The following MOB1B variants were observed in gnomAD, a reference collection of about 807,000 sequenced individuals.
The protein encoded by MOB1B is MOB1 Mps One Binder homolog B.
MOB1B carries 19 observed loss-of-function variants against 24.4 expected under a neutral mutation model. The ratio of observed to expected loss-of-function variants is 0.78; its 90% confidence interval spans 0.54 to 1.14. The LOEUF (loss-of-function observed/expected upper bound fraction) is 1.14, where lower values mean the gene tolerates loss of function less well. Ranked by LOEUF, MOB1B falls within the 50% of genes most tolerant of loss-of-function variation. MOB1B has a pLI of 0.00. For synonymous variants in MOB1B, 76 were observed against 82.1 expected (o/e 0.93, Z 0.40); for missense variants, 243 against 259.6 (o/e 0.94, Z 0.44).
At chr4:70,964,045 AATG>A (rs1343712406) in intron 2 of MOB1B, among the ~76,000 whole-genome samples, 3 of 152,242 alleles carry the variant, frequency 2.0e-5, no homozygotes, top group Non-Finnish European at 4.4e-5. Context: ...GATATTTTAA[AATG>A]ATAACTGGTT....
Position 70,902,398 on chromosome 4 carries a change from G to A in MOB1B, c.-139G>A. On this transcript the variant is annotated 5_prime_UTR_variant, in exon 1 of 6. Coordinates refer to ENST00000309395, the MANE Select transcript of MOB1B (RefSeq NM_173468.4). Reference sequence around the variant, plus strand: ...GAACTAGCTGAGCCGAACTAGTTGCGGCCACCGAGCAGCCGGCTCTCGGCA... The same window carrying A: ...GAACTAGCTGAGCCGAACTAGTTGCAGCCACCGAGCAGCCGGCTCTCGGCA... 1.1e-6 allele frequency: 1 copy of A among 869,684 alleles called. No individual in the cohort carries two copies. Among genetic ancestry groups the A allele is most frequent in the Non-Finnish European group, 1.9e-6 (1 of 531,930 alleles). The allele number at this position is 869,684 out of a possible 1,614,324, so 53.9% of individuals were successfully genotyped here. A position where few individuals can be genotyped will look rare whatever the true frequency, so the allele number is the denominator to read the frequency against.
At chr4:70,945,493 A>G (rs2148887137) in intron 1 of MOB1B, among the ~76,000 whole-genome samples, 1 of 152,330 alleles carries the variant, frequency 6.6e-6, no homozygotes, top group Non-Finnish European at 1.5e-5. Flanking sequence ...TTCTGCATGC[A>G]TACTCTGTAC....
intron 1 of MOB1B, among the ~76,000 whole-genome samples, chr4:70,941,184 T>G (rs2148884962): frequency 6.6e-6 from 1 of 151,770 alleles, no homozygotes; most frequent in Admixed American, 6.6e-5. Context: ...TTCTTTTCTA[T>G]GCCATACACA....
Position 70,937,559 on chromosome 4 carries a change from C to T in MOB1B, c.15-21315C>T, listed in dbSNP as rs555623401. ...TGGAGTCTCACTTTGTCACCCAGGC[C>T]GGAATGCAGTGGTGTGATCTCGGCT... On this transcript the variant is annotated intron_variant, in intron 1 of 5. Transcript: ENST00000309395. Among the ~76,000 whole-genome samples the T allele has an allele frequency of 4.6e-5, 7 of 151,326 alleles. No homozygotes were observed. In the East Asian group the frequency reaches 1.2e-3, roughly 25 times the overall value.
At chr4:70,945,338 G>T (rs767578375) in intron 1 of MOB1B, among the ~76,000 whole-genome samples, 1 of 152,276 alleles carries the variant, frequency 6.6e-6, no homozygotes, top group African/African-American at 2.4e-5. Flanking sequence ...GATTGCTTTC[G>T]TGATTTTTGT....
intron 1 of MOB1B, among the ~76,000 whole-genome samples, chr4:70,932,717 G>T (rs1736930732): frequency 6.6e-6 from 1 of 152,106 alleles, no homozygotes; most frequent in African/African-American, 2.4e-5. Context: ...TTACAACGTG[G>T]TACATGTTTC....
At chr4:70,952,416 G>C (rs147985827) in intron 1 of MOB1B, among the ~76,000 whole-genome samples, 3,210 of 151,856 alleles carry the variant, frequency 0.021, 60 homozygotes, top group South Asian at 0.046. Context: ...GGCCGAGGTG[G>C]GCGGATCACG....
chr4:70,967,907 C>T (rs1738600589), intron 2 of MOB1B, among the ~76,000 whole-genome samples: 1 of 152,094 alleles, frequency 6.6e-6, no homozygotes, highest in Non-Finnish European at 1.5e-5. Context: ...TGGCTCACTG[C>T]AGCTTTGAAC....
intron 4 of MOB1B, among the ~76,000 whole-genome samples, chr4:70,978,526 A>C (rs1739088179): frequency 6.6e-6 from 1 of 152,166 alleles, no homozygotes; most frequent in African/African-American, 2.4e-5. Context: ...TGGCCATACC[A>C]ATCTGTGTTC....
In MOB1B at chr4:70,902,787, C is replaced by A. The variant is rs549531932; in HGVS notation, c.14+237C>A. Reference sequence around the variant, plus strand: ...TCCTGCAGCCCTGAGGAGGTTCTTCCCCCCCGGCACACCCCGGGGCCAGCG... The same window carrying A: ...TCCTGCAGCCCTGAGGAGGTTCTTCACCCCCGGCACACCCCGGGGCCAGCG... On this transcript the variant is annotated intron_variant, in intron 1 of 5. Coordinates refer to ENST00000309395, the MANE Select transcript of MOB1B (RefSeq NM_173468.4). Among the ~76,000 whole-genome samples the A allele has an allele frequency of 4.5e-4, 68 of 152,294 alleles. No individual in the cohort carries two copies. The Middle Eastern group carries it at 0.01, about 23-fold the overall frequency.
chr4:70,973,511 T>C (rs985095774), intron 3 of MOB1B, among the ~76,000 whole-genome samples: 1 of 146,266 alleles, frequency 6.8e-6, no homozygotes, highest in Non-Finnish European at 1.5e-5. Context: ...ATGGCTAAAA[T>C]CTTACCATTC....
At chr4:70,932,940 G>A in intron 1 of MOB1B, among the ~76,000 whole-genome samples, 1 of 152,132 alleles carries the variant, frequency 6.6e-6, no homozygotes, top group East Asian at 1.9e-4. Context: ...TAAGAACGCT[G>A]GGTCATATAT....
chr4:70,919,077 A>G (rs1443137774), intron 1 of MOB1B, among the ~76,000 whole-genome samples: 14 of 151,994 alleles, frequency 9.2e-5, no homozygotes, highest in Admixed American at 5.9e-4. Flanking sequence ...CAAACACTGC[A>G]TATTCTCACT....
intron 1 of MOB1B, among the ~76,000 whole-genome samples, chr4:70,906,118 C>T (rs1364280309): frequency 6.8e-6 from 1 of 147,640 alleles, no homozygotes; most frequent in Non-Finnish European, 1.5e-5. Context: ...TGGCTCAGGC[C>T]TGTAATCCCA....
chr4:70,906,715 T>C (rs895122162), intron 1 of MOB1B, among the ~76,000 whole-genome samples: 2 of 152,160 alleles, frequency 1.3e-5, no homozygotes, highest in African/African-American at 4.8e-5. Context: ...GGGACAGAGC[T>C]TTGGTTGTGC....
At chr4:70,962,107 C>T (rs1738330519) in intron 2 of MOB1B, among the ~76,000 whole-genome samples, 1 of 152,066 alleles carries the variant, frequency 6.6e-6, no homozygotes, top group African/African-American at 2.4e-5. Context: ...ACCTGTAGTC[C>T]TAGCTACTCC....
intron 4 of MOB1B, among the ~76,000 whole-genome samples, chr4:70,978,537 C>A (rs910358799): frequency 9.2e-5 from 14 of 152,144 alleles, no homozygotes; most frequent in Admixed American, 2.6e-4. Flanking sequence ...ATCTGTGTTC[C>A]CACCAACAGT....
At position 70,983,553 on chromosome 4, in the gene MOB1B, T is replaced by TCTTAAGTTAGAAATATATATCCTTC. The variant is rs1343154084; in HGVS notation, c.*1499_*1500insAAGTTAGAAATATATATCCTTCCTT. ...AGTTTTGTCATTTTCGATAAATCTT[T>TCTTAAGTTAGAAATATATATCCTTC]CTTCAGTTAGAAATATATATCCTTC... On this transcript the variant is annotated 3_prime_UTR_variant, in exon 6 of 6. Coordinates refer to ENST00000309395, the MANE Select transcript of MOB1B (RefSeq NM_173468.4). 2.0e-5 allele frequency: 3 copies of TCTTAAGTTAGAAATATATATCCTTC among 152,474 alleles called. No homozygotes were observed. The highest frequency in any genetic ancestry group is 4.4e-5 in the Non-Finnish European group (3 of 68,008). The allele number at this position is 152,474 out of a possible 1,614,324, so 9.4% of individuals were successfully genotyped here.
chr4:70,938,881 G>A (rs1455791998), intron 1 of MOB1B, among the ~76,000 whole-genome samples: 2 of 151,258 alleles, frequency 1.3e-5, no homozygotes, highest in Middle Eastern at 3.4e-3. Context: ...GGGTGCAAGC[G>A]ATCCTCCTGC....
Sources: gnomAD v4.1 joint callset for allele counts (sites outside exome capture counted in the v4.1 genomes callset) on GRCh38, gnomAD v4.1.1 for gene constraint, MANE v1.5 for transcripts, NCBI Gene and HGNC (gene_info 2026-07-23, HGNC 2026-07-21) for gene names.